WDFY2: variants seen among roughly 807,000 people sequenced by gnomAD.
WDFY2 encodes WD repeat and FYVE domain containing 2, also known as WD repeat and FYVE domain-containing protein 2.
WDFY2 carries 36 observed loss-of-function variants against 56.4 expected under a neutral mutation model. The ratio of observed to expected loss-of-function variants is 0.64; its 90% CI spans 0.49 to 0.84. The LOEUF is 0.84. Ranked by LOEUF, WDFY2 falls within the 40% of genes least tolerant of loss-of-function variation. The pLI is 0.00. For synonymous variants in WDFY2, 176 were observed against 183.7 expected (o/e 0.96, Z 0.34); for missense variants, 444 against 512.2 (o/e 0.87, Z 1.29).
chr13:51,680,162 C>T (rs7986066), intron 3 of WDFY2, among the ~76,000 whole-genome samples: 15,759 of 152,120 alleles, frequency 0.1, 1,018 homozygotes, highest in East Asian at 0.29. Context: ...AGTGCAGCAG[C>T]GTGATCATAG....
At chr13:51,618,551 T>C (rs753097594) in intron 1 of WDFY2, among the ~76,000 whole-genome samples, 11 of 152,240 alleles carry the variant, frequency 7.2e-5, no homozygotes, top group Non-Finnish European at 1.5e-4. Context: ...GTCCCTTATC[T>C]GGATAACTTT....
At chr13:51,751,258 G>T in intron 7 of WDFY2, 52 bp from the exon 8 acceptor site, 1 of 1,575,832 alleles carries the variant, frequency 6.3e-7, no homozygotes, top group Admixed American at 1.8e-5. Context: ...TCTGCTGCGA[G>T]GCCTTGCATT....
intron 3 of WDFY2, among the ~76,000 whole-genome samples, chr13:51,700,963 G>T (rs865782326): frequency 2.0e-5 from 3 of 151,924 alleles, no homozygotes; most frequent in African/African-American, 7.3e-5. Context: ...GCGAAGCTCT[G>T]TCTCAAAAAA....
At position 51,762,019 on chromosome 13, in the gene WDFY2, T is replaced by C. The variant is rs1197212182; in HGVS notation, c.*2250T>C. The C allele has an allele frequency of 2.6e-5, 4 of 152,260 alleles. No individual in the cohort carries two copies. Among genetic ancestry groups the C allele is most frequent in the African/African-American group, 9.6e-5 (4 of 41,470 alleles). 9.4% of individuals were successfully genotyped at this position (152,260 alleles called of 1,614,324 possible). A position where few individuals can be genotyped will look rare whatever the true frequency, so the allele number is the denominator to read the frequency against. ...AGAGAACTTTAACAAGGGAATTAAA[T>C]TTAAAATATTCAAATATCTATTTTG... On this transcript the variant is annotated 3_prime_UTR_variant, in exon 12 of 12. Coordinates refer to ENST00000298125, the MANE Select transcript of WDFY2 (RefSeq NM_052950.4).
At chr13:51,715,304 G>A (rs951078103) in intron 4 of WDFY2, among the ~76,000 whole-genome samples, 1 of 151,934 alleles carries the variant, frequency 6.6e-6, no homozygotes, top group Non-Finnish European at 1.5e-5. Flanking sequence ...AAACACAACT[G>A]TACAAAATAT....
intron 6 of WDFY2, among the ~76,000 whole-genome samples, chr13:51,734,401 A>AG (rs1204739157): frequency 1.3e-5 from 2 of 152,242 alleles, no homozygotes; most frequent in East Asian, 3.8e-4. Flanking sequence ...TTAAAAGTTG[A>AG]GAAAAATCTA....
intron 1 of WDFY2, among the ~76,000 whole-genome samples, chr13:51,604,393 G>A (rs1235314679): frequency 1.3e-5 from 2 of 152,188 alleles, no homozygotes; most frequent in East Asian, 3.9e-4. Flanking sequence ...CATTTTCATG[G>A]GAATCAGACT....
chr13:51,705,907 A>G (rs1952072985), intron 4 of WDFY2, among the ~76,000 whole-genome samples: 1 of 152,192 alleles, frequency 6.6e-6, no homozygotes, highest in Non-Finnish European at 1.5e-5. Flanking sequence ...TTACCAAGAT[A>G]TTTAGAAATC....
In WDFY2 at chr13:51,584,770, A is replaced by G. The variant is rs761482544; in HGVS notation, c.83A>G (p.Asn28Ser). 1.5e-5 allele frequency: 25 copies of G among 1,613,886 alleles called. 1 individual carries two copies. In the South Asian group the frequency reaches 2.7e-4, roughly 18 times the overall value. ...QRMEGSQEVVNMAVIVPKEEG... is the reference protein window; with the variant it reads ...QRMEGSQEVVSMAVIVPKEEG... Reference sequence around the variant, plus strand: ...ATGGAGGGGTCCCAGGAGGTGGTGAATATGGCCGTGATCGTGCCCAAAGAG... The same window carrying G: ...ATGGAGGGGTCCCAGGAGGTGGTGAGTATGGCCGTGATCGTGCCCAAAGAG... The change falls in exon 1 of 12, where the codon AAT (asparagine) becomes AGT (serine). Residue 28 changes from asparagine to serine, a missense_variant. By Grantham distance (46) the Asn-to-Ser change is conservative (BLOSUM62 1). Coordinates refer to ENST00000298125, the MANE Select transcript of WDFY2 (RefSeq NM_052950.4).
intron 7 of WDFY2, among the ~76,000 whole-genome samples, chr13:51,745,973 C>CTTT (rs59572351): frequency 4.6e-4 from 46 of 100,734 alleles, no homozygotes; most frequent in Admixed American, 8.5e-4. Flanking sequence ...TTTTCTTTTT[C>CTTT]TTTTTTTTTT....
At chr13:51,719,438 G>A (rs1952439901) in intron 5 of WDFY2, 90 bp downstream of exon 5, 1 of 1,429,122 alleles carries the variant, frequency 7.0e-7, no homozygotes, top group Non-Finnish European at 9.4e-7. Context: ...CAGCTTGAAA[G>A]TTTTGTTAAT....
At chr13:51,653,027 C>G (rs1400217419) in intron 1 of WDFY2, among the ~76,000 whole-genome samples, 2 of 152,234 alleles carry the variant, frequency 1.3e-5, no homozygotes, top group African/African-American at 4.8e-5. Flanking sequence ...TTCTCCCCGT[C>G]ACTTTCAGGT....
chr13:51,671,774 T>A (rs1161814643), intron 2 of WDFY2, among the ~76,000 whole-genome samples: 1 of 147,952 alleles, frequency 6.8e-6, no homozygotes, highest in Non-Finnish European at 1.5e-5. Flanking sequence ...TTGTTGCATT[T>A]GCTTTTTTTT....
At chr13:51,735,286 C>T (rs1381471915) in intron 6 of WDFY2, among the ~76,000 whole-genome samples, 1 of 152,196 alleles carries the variant, frequency 6.6e-6, no homozygotes, top group South Asian at 2.1e-4. Flanking sequence ...CTGAGCACCT[C>T]CTGCATACCA....
intron 2 of WDFY2, among the ~76,000 whole-genome samples, chr13:51,671,776 CTT>C (rs564584742): frequency 3.3e-3 from 206 of 61,930 alleles, no homozygotes; most frequent in Middle Eastern, 0.019. Flanking sequence ...GTTGCATTTG[CTT>C]TTTTTTTTTT....
At chr13:51,745,976 T>C (rs1953092025) in intron 7 of WDFY2, among the ~76,000 whole-genome samples, 1 of 105,400 alleles carries the variant, frequency 9.5e-6, no homozygotes, top group South Asian at 3.7e-4. Context: ...TCTTTTTCTT[T>C]TTTTTTTTTT....
chr13:51,738,913 T>TA (rs961226386), intron 6 of WDFY2, 136 bp from the exon 7 acceptor site: 1 of 1,150,416 alleles, frequency 8.7e-7, no homozygotes, highest in Non-Finnish European at 1.1e-6. Context: ...TTTGGGGACT[T>TA]ACTTGATTGT....
intron 1 of WDFY2, among the ~76,000 whole-genome samples, chr13:51,614,101 G>T (rs531502056): frequency 6.9e-4 from 104 of 150,002 alleles, no homozygotes; most frequent in Admixed American, 1.8e-3. Context: ...CAGGAGAATC[G>T]CTTGAACCTG....
chr13:51,647,371 AC>A (rs1955281847), intron 1 of WDFY2, among the ~76,000 whole-genome samples: 2 of 152,246 alleles, frequency 1.3e-5, no homozygotes, highest in South Asian at 4.1e-4. Context: ...GTATCATGTA[AC>A]TATACTGAAT....
Sources: allele counts gnomAD v4.1 joint callset (sites outside exome capture counted in the v4.1 genomes callset), GRCh38; gene constraint gnomAD v4.1.1; transcripts MANE v1.5; gene names NCBI Gene and HGNC (gene_info 2026-07-23, HGNC 2026-07-21).